Variants in LOC400499 observed in about 807,000 individuals in gnomAD.
chr16:11,508,683 A>G, the LOC400499 span: 1 of 399,038 alleles, frequency 2.5e-6, no homozygotes, highest in Non-Finnish European at 4.4e-6. Context: ...GGGCCAAGAA[A>G]GACTCTGGCC....
chr16:11,398,232 G>C, the LOC400499 span: 1 of 890,342 alleles, frequency 1.1e-6, no homozygotes, highest in Non-Finnish European at 1.5e-6. Context: ...AGCCACGATG[G>C]TGGCGTCTGG....
At chr16:11,442,789 G>C in the LOC400499 span, among the ~76,000 whole-genome samples, 1 of 152,158 alleles carries the variant, frequency 6.6e-6, no homozygotes, top group Non-Finnish European at 1.5e-5. Context: ...CATGGCGCCG[G>C]CTCTGCAATC....
the LOC400499 span, among the ~76,000 whole-genome samples, chr16:11,389,758 T>C: frequency 6.6e-6 from 1 of 151,222 alleles, no homozygotes; most frequent in Non-Finnish European, 1.5e-5. Flanking sequence ...ATGGCCTGCT[T>C]AAGATGCGAC....
chr16:11,452,091 C>T, the LOC400499 span, among the ~76,000 whole-genome samples: 3 of 151,966 alleles, frequency 2.0e-5, no homozygotes, highest in Non-Finnish European at 4.4e-5. Flanking sequence ...TTTTCTATTT[C>T]ATTCATGTTC....
At chr16:11,392,861 TTTTAC>T in the LOC400499 span, 1 of 944,614 alleles carries the variant, frequency 1.1e-6, no homozygotes, top group African/African-American at 1.8e-5. Context: ...TTTGTTTTTG[TTTTAC>T]TTTTTGAGAC....
the LOC400499 span, chr16:11,460,645 C>T: frequency 1.3e-6 from 2 of 1,495,158 alleles, no homozygotes; most frequent in African/African-American, 1.4e-5. Context: ...CTGCCCTCCT[C>T]TGCCAGGCAG....
the LOC400499 span, among the ~76,000 whole-genome samples, chr16:11,398,945 G>A: frequency 2.0e-5 from 3 of 152,116 alleles, no homozygotes; most frequent in Admixed American, 6.5e-5. Context: ...TGCCCCGCTC[G>A]TGGCAGGATT....
At chr16:11,384,693 G>A in the LOC400499 span, among the ~76,000 whole-genome samples, 1 of 152,216 alleles carries the variant, frequency 6.6e-6, no homozygotes, top group Non-Finnish European at 1.5e-5. Flanking sequence ...CTGGGCCTCT[G>A]TGCGGTCATC....
the LOC400499 span, among the ~76,000 whole-genome samples, chr16:11,495,825 G>A: frequency 1.3e-5 from 2 of 151,982 alleles, no homozygotes; most frequent in Non-Finnish European, 2.9e-5. Context: ...AAGGGTAAGG[G>A]ACGTGCCTCA....
At chr16:11,489,391 C>A in the LOC400499 span, among the ~76,000 whole-genome samples, 4 of 152,164 alleles carry the variant, frequency 2.6e-5, no homozygotes, top group Admixed American at 6.5e-5. Flanking sequence ...AAAGCAGAGC[C>A]TGGACCTAAA....
the LOC400499 span, among the ~76,000 whole-genome samples, chr16:11,427,382 C>T: frequency 1.4e-5 from 2 of 140,008 alleles, no homozygotes; most frequent in African/African-American, 5.3e-5. Flanking sequence ...AAAAAAAGTG[C>T]TCAACATAAT....
the LOC400499 span, among the ~76,000 whole-genome samples, chr16:11,506,952 C>A: frequency 6.6e-6 from 1 of 152,196 alleles, no homozygotes; most frequent in Non-Finnish European, 1.5e-5. Context: ...CTCAGCATTT[C>A]ACCCCTCAGC....
chr16:11,515,894 T>TTAC, the LOC400499 span: 2 of 16,348 alleles, frequency 1.2e-4, no homozygotes, highest in Non-Finnish European at 3.3e-4. Context: ...CAGCCCAGCC[T>TTAC]AGCCCAGCCC....
the LOC400499 span, among the ~76,000 whole-genome samples, chr16:11,398,043 T>C: frequency 1.3e-5 from 2 of 152,244 alleles, no homozygotes; most frequent in South Asian, 4.1e-4. Context: ...GGGGTAATGA[T>C]GACTACAGCA....
At chr16:11,430,215 G>A in the LOC400499 span, among the ~76,000 whole-genome samples, 9 of 152,094 alleles carry the variant, frequency 5.9e-5, no homozygotes, top group Admixed American at 2.0e-4. Flanking sequence ...TGCCAGGCGC[G>A]GTGGCTCACA....
At chr16:11,495,732 G>A in the LOC400499 span, among the ~76,000 whole-genome samples, 5 of 152,182 alleles carry the variant, frequency 3.3e-5, no homozygotes, top group Admixed American at 3.3e-4. Flanking sequence ...CCAGACTGCT[G>A]ATAACATGTC....
At chr16:11,462,256 G>A in the LOC400499 span, 1 of 1,527,004 alleles carries the variant, frequency 6.5e-7, no homozygotes, top group Non-Finnish European at 8.8e-7. Flanking sequence ...GCTGCGCCTG[G>A]AACCGCTCAG....
At chr16:11,381,619 G>A in the LOC400499 span, among the ~76,000 whole-genome samples, 1 of 152,178 alleles carries the variant, frequency 6.6e-6, no homozygotes, top group Non-Finnish European at 1.5e-5. Context: ...AACGTCGGTG[G>A]ATCCCTTGAG....
At chr16:11,449,049 G>T in the LOC400499 span, 1 of 1,490,634 alleles carries the variant, frequency 6.7e-7, no homozygotes, top group Non-Finnish European at 9.0e-7. Context: ...GTTCCAGGCT[G>T]ACTCGAGTTC....
Sources: gnomAD v4.1 joint callset for allele counts (sites outside exome capture counted in the v4.1 genomes callset) on GRCh38, gnomAD v4.1.1 for gene constraint, MANE v1.5 for transcripts.